The following BAZ2B variants were observed in gnomAD, a reference collection of about 807,000 sequenced individuals.
BAZ2B encodes bromodomain adjacent to zinc finger domain 2B.
BAZ2B carries 91 observed loss-of-function variants against 246.0 expected under a neutral mutation model. The observed-to-expected ratio is 0.37, with a 90% CI of 0.31 to 0.44. The LOEUF is 0.44. BAZ2B is among the 20% of genes least tolerant of loss of function. The pLI, the probability that BAZ2B is intolerant of heterozygous loss-of-function variation, is 1.00. For missense variants in BAZ2B, 2,332 were observed against 2,533.7 expected, an observed-to-expected ratio of 0.92 and a Z score of 1.71; for synonymous variants, 855 against 860.0, an observed-to-expected ratio of 0.99 and a Z score of 0.10.
intron 2 of BAZ2B, among the ~76,000 whole-genome samples, chr2:159,497,277 T>C (rs1039281983): frequency 6.6e-6 from 1 of 152,198 alleles, no homozygotes; most frequent in Non-Finnish European, 1.5e-5. Flanking sequence ...AAAGATCTTT[T>C]GCCTTGATGT....
intron 23 of BAZ2B, among the ~76,000 whole-genome samples, chr2:159,383,925 T>C (rs1192781350): frequency 2.6e-5 from 4 of 152,062 alleles, no homozygotes; most frequent in Admixed American, 2.6e-4. Context: ...GTGGTTTCTA[T>C]CTTAAACCAA....
In BAZ2B at chr2:159,400,788, C is replaced by G. The variant is rs2064883163; in HGVS notation, c.2833-124G>C. Reference sequence around the variant, plus strand: ...AGGCGCAGTGGCTCACACCTGTAATCCCAGCACTTTGGGAGGCCAAGGTGG... The same window carrying G: ...AGGCGCAGTGGCTCACACCTGTAATGCCAGCACTTTGGGAGGCCAAGGTGG... On this transcript the variant is annotated intron_variant, in intron 16 of 36. Transcript: ENST00000392783. 5 of 529,608 alleles carry G rather than the reference C, an allele frequency of 9.4e-6. No homozygotes were observed. The South Asian group carries it at 1.2e-4, about 12-fold the overall frequency. The allele number at this position is 529,608 out of a possible 1,614,324, so 32.8% of individuals were successfully genotyped here. A position where few individuals can be genotyped will look rare whatever the true frequency, so the allele number is the denominator to read the frequency against.
the BAZ2B span, among the ~76,000 whole-genome samples, chr2:159,675,279 C>T: frequency 2.0e-5 from 3 of 151,576 alleles, no homozygotes; most frequent in Non-Finnish European, 2.9e-5. Flanking sequence ...ACACATCACA[C>T]TTCTTCAGTT....
At chr2:159,356,850 C>A (rs528575032) in intron 27 of BAZ2B, among the ~76,000 whole-genome samples, 2 of 152,096 alleles carry the variant, frequency 1.3e-5, no homozygotes, top group East Asian at 3.9e-4. Context: ...CTGGAGTGGA[C>A]CTCCAGCAAA....
Position 159,400,653 on chromosome 2 carries a change from C to G in BAZ2B, c.2844G>C (p.Lys948Asn). 1 of 1,568,296 alleles carries G rather than the reference C, an allele frequency of 6.4e-7. No homozygotes were observed. Among genetic ancestry groups the G allele is most frequent in the Non-Finnish European group, 8.7e-7 (1 of 1,145,868 alleles). ...TTTCCATTCTGATTTGCTGTATTCT[C>G]TTAATTTTTTCCTGTAGGAAAAGTT... ...IKIMKQQEKI[K>N]RIQQIRMEKE... Residue 948 changes from lysine (K) to asparagine (N), a missense_variant, in exon 17 of 37, where the codon AAG becomes AAC. This residue lies in a region of BAZ2B where 651 missense variants were observed against 650.9 expected (regional missense o/e 1.00). Transcript: ENST00000392783.
chr2:159,327,055 CT>C (rs67194703), intron 34 of BAZ2B, among the ~76,000 whole-genome samples: 15 of 142,896 alleles, frequency 1.0e-4, no homozygotes, highest in African/African-American at 2.8e-4. Flanking sequence ...TGGCTGCAAT[CT>C]TTTTTTTTTT....
rs568760740 is a variant in BAZ2B, at chr2:159,486,133, A to G, written c.-2-7412T>C. On this transcript the variant is annotated intron_variant, in intron 2 of 36. Coordinates refer to ENST00000392783, the MANE Select transcript of BAZ2B (RefSeq NM_013450.4). ...TTGTAGGTATAGTCTGTGAATTTAA[A>G]TACTAACTAGACTTAGAAATGTCTA... Among the ~76,000 whole-genome samples, 5 of 152,214 alleles carry G rather than the reference A, an allele frequency of 3.3e-5. No individual in the cohort carries two copies. The East Asian group carries it at 9.6e-4, about 29-fold the overall frequency.
At chr2:159,332,482 T>TA in intron 34 of BAZ2B, 58 bp downstream of exon 34, 7 of 1,509,694 alleles carry the variant, frequency 4.6e-6, no homozygotes, top group South Asian at 1.3e-5. Flanking sequence ...GACCATGTAT[T>TA]AAAAAAATAA....
intron 3 of BAZ2B, among the ~76,000 whole-genome samples, chr2:159,476,657 C>T (rs2078594317): frequency 6.6e-6 from 1 of 152,130 alleles, no homozygotes; most frequent in East Asian, 1.9e-4. Flanking sequence ...TTGAAGCCTT[C>T]AAATAAGAAA....
intron 2 of BAZ2B, among the ~76,000 whole-genome samples, chr2:159,539,652 G>C (rs2086418396): frequency 6.6e-6 from 1 of 152,186 alleles, no homozygotes; most frequent in African/African-American, 2.4e-5. Context: ...GAGATAAGAG[G>C]ACTGCTTGAG....
At chr2:159,612,579 T>A (rs1433515537) in intron 1 of BAZ2B, among the ~76,000 whole-genome samples, 1 of 152,102 alleles carries the variant, frequency 6.6e-6, no homozygotes. Context: ...AAATATACTT[T>A]CACTAATTCA....
chr2:159,374,162 A>T (rs1345732413), intron 26 of BAZ2B, among the ~76,000 whole-genome samples: 2 of 149,408 alleles, frequency 1.3e-5, no homozygotes, highest in Non-Finnish European at 3.0e-5. Context: ...CTCTCACCTC[A>T]GCCTCCCAAA....
the BAZ2B span, among the ~76,000 whole-genome samples, chr2:159,643,187 C>G: frequency 1.3e-5 from 2 of 152,130 alleles, no homozygotes; most frequent in Non-Finnish European, 2.9e-5. Context: ...GTTGCCACAA[C>G]AAAATACAAT....
intron 3 of BAZ2B, chr2:159,459,900 C>T (rs1369981028): frequency 6.6e-6 from 1 of 152,038 alleles, no homozygotes; most frequent in Non-Finnish European, 1.5e-5. Flanking sequence ...CATTTGCAAG[C>T]TGATGAATTA....
chr2:159,704,728 C>T, the BAZ2B span, among the ~76,000 whole-genome samples: 11 of 151,894 alleles, frequency 7.2e-5, no homozygotes, highest in Non-Finnish European at 1.5e-4. Context: ...GTGGTCCACC[C>T]GCCTCGGCTT....
At chr2:159,512,298 T>C (rs2083009416) in intron 2 of BAZ2B, among the ~76,000 whole-genome samples, 1 of 152,196 alleles carries the variant, frequency 6.6e-6, no homozygotes, top group African/African-American at 2.4e-5. Flanking sequence ...AACTTCTATT[T>C]CGATCCAGAA....
chr2:159,451,709 C>T (rs1052986927), intron 4 of BAZ2B, among the ~76,000 whole-genome samples: 3 of 152,038 alleles, frequency 2.0e-5, no homozygotes, highest in Admixed American at 6.5e-5. Flanking sequence ...GAATTTTGTA[C>T]CTTAAATGAA....
intron 27 of BAZ2B, among the ~76,000 whole-genome samples, chr2:159,371,512 A>G (rs2060846453): frequency 6.6e-6 from 1 of 152,152 alleles, no homozygotes; most frequent in South Asian, 2.1e-4. Context: ...CATTATACTC[A>G]ATAATTTCTT....
At chr2:159,554,144 A>G (rs1045666561) in intron 2 of BAZ2B, among the ~76,000 whole-genome samples, 1 of 152,194 alleles carries the variant, frequency 6.6e-6, no homozygotes, top group African/African-American at 2.4e-5. Flanking sequence ...ACATCTAATA[A>G]TATTAAATAT....
Sources: allele counts gnomAD v4.1 joint callset (sites outside exome capture counted in the v4.1 genomes callset), GRCh38; gene constraint gnomAD v4.1.1; regional missense constraint gnomAD v4.1.1; transcripts MANE v1.5; gene names NCBI Gene and HGNC (gene_info 2026-07-23, HGNC 2026-07-21).